Variants in NRXN1 observed in about 807,000 individuals in gnomAD.
The protein encoded by NRXN1 is neurexin 1, also known as neurexin-1.
In NRXN1, 39 loss-of-function variants were observed where a neutral mutation model predicts 150.9. The observed-to-expected ratio is 0.26, with a 90% CI of 0.20 to 0.34. The LOEUF (loss-of-function observed/expected upper bound fraction) is 0.34. Ranked by LOEUF, NRXN1 falls within the 10% of genes least tolerant of loss-of-function variation. The pLI is 1.00. For missense variants in NRXN1, 1,815 were observed against 1,949.9 expected (o/e 0.93, Z 1.30); for synonymous variants, 924 against 757.0 (o/e 1.22, Z -3.62).
At chr2:50,925,858 C>T in intron 3 of NRXN1, 80 bp downstream of exon 3, 1 of 1,097,222 alleles carries the variant, frequency 9.1e-7, no homozygotes, top group Non-Finnish European at 1.4e-6. Context: ...AACTTACCAT[C>T]TAACTTCAAG....
At chr2:50,868,956 A>C (rs1677361365) in intron 5 of NRXN1, among the ~76,000 whole-genome samples, 1 of 151,842 alleles carries the variant, frequency 6.6e-6, no homozygotes, top group Non-Finnish European at 1.5e-5. Context: ...CAACTTGGAG[A>C]TTTTAAACTA....
intron 8 of NRXN1, among the ~76,000 whole-genome samples, chr2:50,611,435 C>T (rs1678111133): frequency 6.6e-6 from 1 of 152,102 alleles, no homozygotes. Context: ...GAATTCCAGA[C>T]AAGAACTCAC....
At chr2:50,796,655 C>T (rs1478859019) in intron 5 of NRXN1, among the ~76,000 whole-genome samples, 2 of 152,138 alleles carry the variant, frequency 1.3e-5, no homozygotes, top group Non-Finnish European at 2.9e-5. Flanking sequence ...TGTGAAGGTG[C>T]CAAGGCATTT....
intron 17 of NRXN1, among the ~76,000 whole-genome samples, chr2:50,243,074 T>C (rs1321362047): frequency 6.6e-6 from 1 of 151,858 alleles, no homozygotes; most frequent in East Asian, 1.9e-4. Flanking sequence ...TACGGTTAGA[T>C]AGGAAGAATG....
intron 17 of NRXN1, among the ~76,000 whole-genome samples, chr2:50,271,994 G>C (rs2682004): frequency 0.43 from 64,691 of 151,896 alleles, 14,004 homozygotes; most frequent in Middle Eastern, 0.46. Context: ...TCCTCCAAGG[G>C]GGGGTCACAC....
intron 8 of NRXN1, among the ~76,000 whole-genome samples, chr2:50,556,722 T>A (rs1668314614): frequency 6.6e-6 from 1 of 152,140 alleles, no homozygotes; most frequent in Non-Finnish European, 1.5e-5. Flanking sequence ...TTAATGATAA[T>A]CCTGAAAACA....
At chr2:50,854,560 T>A (rs1413905503) in intron 5 of NRXN1, among the ~76,000 whole-genome samples, 2 of 152,098 alleles carry the variant, frequency 1.3e-5, no homozygotes, top group Non-Finnish European at 2.9e-5. Context: ...AAGAACAGAC[T>A]GGTTATTTCC....
chr2:50,633,061 A>C (rs976985489), intron 5 of NRXN1: 1 of 152,164 alleles, frequency 6.6e-6, no homozygotes, highest in Non-Finnish European at 1.5e-5. Context: ...ACAAGTCATC[A>C]TTATTGGTGA....
chr2:50,750,841 T>C (rs9752357), intron 5 of NRXN1, among the ~76,000 whole-genome samples: 15,138 of 152,090 alleles, frequency 0.1, 829 homozygotes, highest in Middle Eastern at 0.13. Flanking sequence ...CAGAACGTCA[T>C]TCTTAATAAC....
intron 5 of NRXN1, among the ~76,000 whole-genome samples, chr2:50,716,173 A>G (rs1453582745): frequency 1.3e-5 from 2 of 152,218 alleles, no homozygotes. Flanking sequence ...AAATAATATT[A>G]CATTCCAAAA....
chr2:50,485,899 T>G (rs2090836938), intron 15 of NRXN1, among the ~76,000 whole-genome samples: 1 of 152,240 alleles, frequency 6.6e-6, no homozygotes, highest in African/African-American at 2.4e-5. Context: ...GAAAAGGCAG[T>G]AGCCGAACTT....
chr2:50,766,052 C>G (rs1009697114), intron 5 of NRXN1, among the ~76,000 whole-genome samples: 8 of 152,000 alleles, frequency 5.3e-5, no homozygotes, highest in African/African-American at 1.9e-4. Flanking sequence ...TACAACAAAG[C>G]TCTCAAACAA....
intron 5 of NRXN1, among the ~76,000 whole-genome samples, chr2:50,735,799 C>T (rs1698667213): frequency 6.6e-6 from 1 of 152,140 alleles, no homozygotes; most frequent in African/African-American, 2.4e-5. Context: ...AAGATATCTC[C>T]ACTGTTATTG....
chr2:50,096,104 G>A (rs1199779650), intron 18 of NRXN1, among the ~76,000 whole-genome samples: 10 of 151,942 alleles, frequency 6.6e-5, no homozygotes, highest in Admixed American at 6.6e-4. Flanking sequence ...TCTAGAGTTA[G>A]CTAGAATGGA....
In NRXN1 at chr2:49,921,866, G is replaced by T; in HGVS notation, c.*78C>A. The T allele has an allele frequency of 7.0e-7, 1 of 1,429,040 alleles. No individual in the cohort carries two copies. The allele number at this position is 1,429,040 out of a possible 1,614,324, so 88.5% of individuals were successfully genotyped here. A position where few individuals can be genotyped will look rare whatever the true frequency, so the allele number is the denominator to read the frequency against. On this transcript the variant is annotated 3_prime_UTR_variant, in exon 23 of 23. Coordinates refer to ENST00000401669, the MANE Select transcript of NRXN1 (RefSeq NM_001330078.2). ...TCTTTTGTATGTGCTTCATAAAAAG[G>T]AAAGTAAATAAGTTTATATTATGTC...
intron 18 of NRXN1, among the ~76,000 whole-genome samples, chr2:50,092,396 T>C (rs1018211131): frequency 6.6e-6 from 1 of 152,230 alleles, no homozygotes; most frequent in Non-Finnish European, 1.5e-5. Context: ...CTAAAGCATG[T>C]GGATTTGTCC....
chr2:49,954,329 C>A (rs1217861908), intron 21 of NRXN1, among the ~76,000 whole-genome samples: 2 of 152,098 alleles, frequency 1.3e-5, no homozygotes, highest in African/African-American at 4.8e-5. Context: ...TAGCACCAAT[C>A]TATGTCTGGC....
At chr2:50,763,328 G>A (rs1702028332) in intron 5 of NRXN1, among the ~76,000 whole-genome samples, 1 of 151,842 alleles carries the variant, frequency 6.6e-6, no homozygotes, top group South Asian at 2.1e-4. Context: ...TTTTACCATT[G>A]CTTGCCTGTA....
chr2:50,907,227 C>T (rs1455339910), intron 5 of NRXN1, among the ~76,000 whole-genome samples: 2 of 151,674 alleles, frequency 1.3e-5, no homozygotes, highest in Admixed American at 6.6e-5. Context: ...TTCTGGATTT[C>T]CCCCCTCAGT....
Sources: allele counts gnomAD v4.1 joint callset (sites outside exome capture counted in the v4.1 genomes callset), GRCh38; gene constraint gnomAD v4.1.1; transcripts MANE v1.5; gene names NCBI Gene and HGNC (gene_info 2026-07-23, HGNC 2026-07-21).